Variants in AFAP1L1 observed in about 807,000 individuals in gnomAD.
AFAP1L1 encodes actin filament associated protein 1 like 1.
Under a neutral mutation model 99.8 loss-of-function variants are expected in AFAP1L1, and 77 were observed. That is an observed-to-expected ratio of 0.77 (90% confidence interval 0.64 to 0.93). The LOEUF is 0.93. AFAP1L1 is among the 40% of genes least tolerant of loss of function. The pLI is 0.00. For missense variants in AFAP1L1, 893 were observed against 996.8 expected (o/e 0.90, Z 1.40); for synonymous variants, 373 against 395.3 (o/e 0.94, Z 0.67).
chr5:149,306,842 A>G (rs1263666274), intron 6 of AFAP1L1, among the ~76,000 whole-genome samples: 1 of 151,800 alleles, frequency 6.6e-6, no homozygotes, highest in Non-Finnish European at 1.5e-5. Context: ...AGCCGGCTGA[A>G]GTGGGTACTG....
At chr5:149,306,467 T>C in intron 6 of AFAP1L1, 63 bp downstream of exon 6, 1 of 1,447,430 alleles carries the variant, frequency 6.9e-7, no homozygotes. Flanking sequence ...GAGCAGGCCT[T>C]GTCCTGGCCC....
chr5:149,337,691 GAC>G (rs995422261), intron 18 of AFAP1L1, among the ~76,000 whole-genome samples: 1 of 152,174 alleles, frequency 6.6e-6, no homozygotes, highest in African/African-American at 2.4e-5. Context: ...AGTGAAAGGA[GAC>G]AGATAATACA....
intron 18 of AFAP1L1, among the ~76,000 whole-genome samples, chr5:149,336,909 T>C (rs1033934487): frequency 2.6e-5 from 4 of 152,134 alleles, no homozygotes; most frequent in Admixed American, 1.3e-4. Context: ...GCACATCAGA[T>C]ATGCTCAGGA....
At chr5:149,288,977 T>C (rs1431665890) in intron 1 of AFAP1L1, among the ~76,000 whole-genome samples, 2 of 152,200 alleles carry the variant, frequency 1.3e-5, no homozygotes, top group Non-Finnish European at 2.9e-5. Context: ...CCTGTCTTCC[T>C]GAAATAACAG....
chr5:149,279,887 C>A (rs570765258), intron 1 of AFAP1L1, among the ~76,000 whole-genome samples: 1 of 152,324 alleles, frequency 6.6e-6, no homozygotes, highest in African/African-American at 2.4e-5. Context: ...AAGATACATG[C>A]CTGTTGTAGA....
intron 15 of AFAP1L1, among the ~76,000 whole-genome samples, chr5:149,323,555 T>C (rs1581335827): frequency 1.3e-5 from 2 of 152,286 alleles, no homozygotes; most frequent in East Asian, 3.8e-4. Flanking sequence ...AGTTCTGTTC[T>C]GTGCTTTTTG....
At chr5:149,311,236 T>C (rs575974359) in intron 8 of AFAP1L1, among the ~76,000 whole-genome samples, 6 of 152,298 alleles carry the variant, frequency 3.9e-5, no homozygotes, top group African/African-American at 1.4e-4. Context: ...TGTTTCTCAT[T>C]ACCCCTTTGT....
At chr5:149,301,315 C>G in intron 4 of AFAP1L1, 85 bp downstream of exon 4, 4 of 1,311,138 alleles carry the variant, frequency 3.1e-6, no homozygotes, top group Non-Finnish European at 4.3e-6. Context: ...CCACTGGGTG[C>G]TCTCCTGGCG....
intron 17 of AFAP1L1, among the ~76,000 whole-genome samples, chr5:149,335,346 G>A (rs1231945561): frequency 6.6e-6 from 1 of 152,082 alleles, no homozygotes; most frequent in Non-Finnish European, 1.5e-5. Flanking sequence ...AAATTAGCCA[G>A]GCCTGGTGGT....
rs777886501 is a variant in AFAP1L1 at position 149,319,652 on chromosome 5, C to T, written c.1550C>T (p.Pro517Leu). 18 of 1,612,836 alleles carry T rather than the reference C, an allele frequency of 1.1e-5. 1 individual carries two copies. The highest frequency in any genetic ancestry group is 8.3e-5 in the Admixed American group (5 of 59,994). Reference protein sequence around the residue: ...LLVEMGSRVTPEALHYDYVDV... With the variant: ...LLVEMGSRVTLEALHYDYVDV... ...GTGGAGATGGGCTCCAGAGTCACTCCGGAGGCGCTGCACTATGACTACGTG... is the reference window on the plus strand; with the variant it reads ...GTGGAGATGGGCTCCAGAGTCACTCTGGAGGCGCTGCACTATGACTACGTG... The change falls in exon 13 of 19, where the codon CCG becomes CTG. Residue 517 changes from proline (P) to leucine (L), a missense_variant. Transcript: ENST00000296721.
chr5:149,288,589 T>G (rs903338709), intron 1 of AFAP1L1, among the ~76,000 whole-genome samples: 1 of 151,956 alleles, frequency 6.6e-6, no homozygotes, highest in Non-Finnish European at 1.5e-5. Context: ...GTGTGAGGAG[T>G]GCGCGTGTGT....
chr5:149,304,799 G>A (rs546274756), intron 5 of AFAP1L1, among the ~76,000 whole-genome samples: 114 of 152,302 alleles, frequency 7.5e-4, no homozygotes, highest in African/African-American at 2.3e-3. Context: ...GGCGGGCTCC[G>A]AGCCTCACTT....
At chr5:149,314,016 C>T (rs1219954481) in intron 9 of AFAP1L1, among the ~76,000 whole-genome samples, 1 of 152,162 alleles carries the variant, frequency 6.6e-6, no homozygotes, top group African/African-American at 2.4e-5. Context: ...GAACAGGGGC[C>T]CACGCTGGCT....
chr5:149,314,412 C>A (rs1756735898), intron 9 of AFAP1L1, among the ~76,000 whole-genome samples: 1 of 151,520 alleles, frequency 6.6e-6, no homozygotes, highest in African/African-American at 2.4e-5. Context: ...GGGAGGGTAA[C>A]TAGAATGTTG....
In AFAP1L1 at chr5:149,320,295, T is replaced by C; in HGVS notation, c.1626-96T>C. ...CCAATCTTCTGATCTGCCTTAAGAG[T>C]TTCTGCCAGAATCAATGAGAGTGAG... On this transcript the variant is annotated intron_variant, in intron 13 of 18. Coordinates refer to ENST00000296721, the MANE Select transcript of AFAP1L1 (RefSeq NM_152406.4). This position sits in a 1 kb window ranked among gnomAD's most constrained non-coding sequence, Gnocchi z 4.0. 1 of 1,230,764 alleles carries C rather than the reference T, an allele frequency of 8.1e-7. No individual in the cohort carries two copies. Among genetic ancestry groups the C allele is most frequent in the East Asian group, 2.4e-5 (1 of 42,174 alleles). 76.2% of individuals were successfully genotyped at this position (1,230,764 alleles called of 1,614,324 possible). A position where few individuals can be genotyped will look rare whatever the true frequency, so the allele number is the denominator to read the frequency against.
At chr5:149,335,470 A>T in intron 17 of AFAP1L1, 124 bp from the exon 18 acceptor site, 1 of 1,308,120 alleles carries the variant, frequency 7.6e-7, no homozygotes, top group Non-Finnish European at 1.0e-6. Context: ...CCTGGGTGAC[A>T]GAGACTCTGT....
At chr5:149,308,199 C>CA (rs1056634444) in intron 7 of AFAP1L1, among the ~76,000 whole-genome samples, 25 of 151,682 alleles carry the variant, frequency 1.6e-4, no homozygotes, top group African/African-American at 5.6e-4. Flanking sequence ...TTTGTTTTGA[C>CA]AAAAAAACAG....
chr5:149,319,775 T>G (rs1756901528), intron 13 of AFAP1L1, 48 bp downstream of exon 13: 1 of 1,597,312 alleles, frequency 6.3e-7, no homozygotes, highest in Non-Finnish European at 8.5e-7. Context: ...CTTTCCTGTC[T>G]CCATCCCTCT....
intron 5 of AFAP1L1, among the ~76,000 whole-genome samples, chr5:149,304,974 C>T (rs1295279349): frequency 1.3e-5 from 2 of 152,024 alleles, no homozygotes; most frequent in Non-Finnish European, 2.9e-5. Flanking sequence ...GGGGGATGTG[C>T]ACCATCCCCT....
Sources: allele counts gnomAD v4.1 joint callset (sites outside exome capture counted in the v4.1 genomes callset), GRCh38; gene constraint gnomAD v4.1.1; non-coding constraint Gnocchi (gnomAD v3.1); transcripts MANE v1.5; gene names NCBI Gene and HGNC (gene_info 2026-07-23, HGNC 2026-07-21).